The following ERBB3 variants were observed in gnomAD, a reference collection of about 807,000 sequenced individuals.
ERBB3 encodes the protein erb-b2 receptor tyrosine kinase 3.
A neutral mutation model predicts 156.7 loss-of-function variants in ERBB3; 96 were observed. The ratio of observed to expected loss-of-function variants is 0.61; its 90% CI spans 0.52 to 0.73. ERBB3 has a LOEUF of 0.73. Ranked by LOEUF, ERBB3 falls within the 30% of genes least tolerant of loss-of-function variation. The pLI is 0.00. For synonymous variants in ERBB3, 567 were observed against 632.0 expected (o/e 0.90, Z 1.54); for missense variants, 1,406 against 1,709.4 (o/e 0.82, Z 3.13).
intron 20 of ERBB3, 111 bp from the exon 21 acceptor site, chr12:56,097,674 A>G (rs1258971976): frequency 8.5e-7 from 1 of 1,183,078 alleles, no homozygotes; most frequent in African/African-American, 1.5e-5. Context: ...CCTGGTGCCA[A>G]AAAAGGTTGG....
At position 56,087,603 on chromosome 12, in the gene ERBB3, G is replaced by A. The variant is rs1319409039; in HGVS notation, c.574G>A (p.Gly192Arg). 5 of 1,614,046 alleles carry A rather than the reference G, an allele frequency of 3.1e-6. No homozygotes were observed. The highest frequency in any genetic ancestry group is 1.3e-5 in the African/African-American group (1 of 74,902). The change falls in exon 5 of 28, where the codon GGG becomes AGG. Residue 192 changes from glycine (G) to arginine (R), a missense_variant. By Grantham distance (125) the Gly-to-Arg change is moderately radical. Around this residue, in one of 3 missense-constraint regions of ERBB3, gnomAD observed 979 missense variants for 1,219.6 expected, o/e 0.80. Transcript: ENST00000267101. The stretch of plus-strand genomic sequence containing the variant: ...TCCCCCCTGTCATGAGGTTTGCAAG[G>A]GGCGATGCTGGGGTCCTGGATCAGA... ...SCPPCHEVCK[G>R]RCWGPGSEDC...
intron 23 of ERBB3, 135 bp downstream of exon 23, chr12:56,099,040 C>A (rs2136823842): frequency 1.2e-6 from 1 of 807,060 alleles, no homozygotes; most frequent in Non-Finnish European, 2.0e-6. Flanking sequence ...CTCACTACAA[C>A]CTCCGCCTCT....
Position 56,102,540 on chromosome 12 carries a change from GGA to G in ERBB3, c.*487_*488del, listed in dbSNP as rs1472517325. On this transcript the variant is annotated 3_prime_UTR_variant, in exon 28 of 28. Coordinates refer to ENST00000267101, the MANE Select transcript of ERBB3 (RefSeq NM_001982.4). ...TTAAAATCTGTGAAGAAAGAGGTTA[GGA>G]GTAGATATTGATTACTATCATAATT... The G allele has an allele frequency of 4.1e-6, 1 of 242,420 alleles. No individual in the cohort carries two copies. Among genetic ancestry groups the G allele is most frequent in the Non-Finnish European group, 8.1e-6 (1 of 123,346 alleles). 15.0% of individuals were successfully genotyped at this position (242,420 alleles called of 1,614,324 possible).
At chr12:56,085,375 A>G in intron 3 of ERBB3, 194 bp downstream of exon 3, 1 of 1,453,760 alleles carries the variant, frequency 6.9e-7, no homozygotes, top group Non-Finnish European at 9.1e-7. Flanking sequence ...CATCTGCTCC[A>G]GGGAAAGGAA....
chr12:56,099,197 C>G (rs1272049858), intron 23 of ERBB3, among the ~76,000 whole-genome samples: 1 of 151,736 alleles, frequency 6.6e-6, no homozygotes, highest in African/African-American at 2.4e-5. Flanking sequence ...CTCAGGTGAT[C>G]CGCCTGCCTC....
At chr12:56,095,455 T>C in intron 16 of ERBB3, 145 bp downstream of exon 16, 1 of 883,156 alleles carries the variant, frequency 1.1e-6, no homozygotes, top group South Asian at 1.5e-5. Flanking sequence ...GACTCAAGAA[T>C]GCAGGCTTCT....
intron 27 of ERBB3, 52 bp downstream of exon 27, chr12:56,101,413 C>T (rs764648141): frequency 8.7e-6 from 14 of 1,603,070 alleles, no homozygotes; most frequent in Middle Eastern, 2.1e-4. Context: ...ATTCTTTCCC[C>T]GGGCTCCTCT....
At chr12:56,092,533 TC>T (rs2136807635) in intron 9 of ERBB3, among the ~76,000 whole-genome samples, 1 of 152,266 alleles carries the variant, frequency 6.6e-6, no homozygotes, top group South Asian at 2.1e-4. Context: ...GCTCCTGTGT[TC>T]TTTGGGCTGT....
Position 56,102,653 on chromosome 12 carries a change from T to A in ERBB3, c.*598T>A, listed in dbSNP as rs1869151739. 8.6e-6 allele frequency: 2 copies of A among 231,852 alleles called. No individual in the cohort carries two copies. The highest frequency in any genetic ancestry group is 2.2e-5 in the African/African-American group (1 of 45,196). The allele number at this position is 231,852 out of a possible 1,614,324, so 14.4% of individuals were successfully genotyped here. On this transcript the variant is annotated 3_prime_UTR_variant, in exon 28 of 28. Coordinates refer to ENST00000267101, the MANE Select transcript of ERBB3 (RefSeq NM_001982.4). ...CTTTATCATCCTTAAAACAATTCTG[T>A]GACATACATATTATCTCATTTTACA...
At chr12:56,092,913 T>A in intron 10 of ERBB3, 73 bp from the exon 11 acceptor site, 1 of 1,537,620 alleles carries the variant, frequency 6.5e-7, no homozygotes, top group Non-Finnish European at 9.0e-7. Flanking sequence ...CGTCCCAAGT[T>A]ATAGGGGAGG....
At chr12:56,093,647 GA>G (rs1868792734) in intron 12 of ERBB3, 97 bp downstream of exon 12, 1 of 1,563,326 alleles carries the variant, frequency 6.4e-7, no homozygotes, top group Admixed American at 1.7e-5. Context: ...AGGGTTGAGG[GA>G]TGGAACCAAG....
intron 1 of ERBB3, 33 bp downstream of exon 1, chr12:56,080,415 A>C (rs1868339572): frequency 6.5e-7 from 1 of 1,530,036 alleles, no homozygotes; most frequent in Non-Finnish European, 8.9e-7. Flanking sequence ...CGGGCTCGGC[A>C]CCTGGGAGCC....
intron 4 of ERBB3, among the ~76,000 whole-genome samples, 181 bp from the exon 5 acceptor site, chr12:56,087,396 G>A (rs776094011): frequency 2.3e-4 from 35 of 152,106 alleles, no homozygotes; most frequent in African/African-American, 4.8e-4. Context: ...AGGCGTGGCC[G>A]CGCCCCTTGT....
chr12:56,081,789 A>T (rs1448407034), intron 1 of ERBB3, among the ~76,000 whole-genome samples: 1 of 150,782 alleles, frequency 6.6e-6, no homozygotes, highest in Non-Finnish European at 1.5e-5. Context: ...GGGGTGGGGG[A>T]TGTTGGAGGG....
chr12:56,093,498 G>A lies in ERBB3; in HGVS notation c.1428G>A (p.Gly476=), dbSNP rs779013163. The A allele has an allele frequency of 2.5e-6, 4 of 1,613,728 alleles. No individual in the cohort carries two copies. Among genetic ancestry groups the A allele is most frequent in the Non-Finnish European group, 3.4e-6 (4 of 1,179,942 alleles). Residue 476 remains glycine (G), a synonymous_variant, in exon 12 of 28, where the codon GGG becomes GGA. Coordinates refer to ENST00000267101, the MANE Select transcript of ERBB3 (RefSeq NM_001982.4). ...HSLNWTKVLR[G]PTEERLDIKH... is the part of the protein sequence containing the mutation. ...TGAACTGGACCAAGGTGCTTCGGGG[G>A]CCTACGGAAGAGCGACTAGACATCA...
intron 2 of ERBB3, among the ~76,000 whole-genome samples, chr12:56,084,331 CCAGGTG>C (rs1356500976): frequency 6.6e-6 from 1 of 152,178 alleles, no homozygotes; most frequent in Non-Finnish European, 1.5e-5. Flanking sequence ...AGAGTTAAGG[CCAGGTG>C]CAGTGGCTCA....
intron 12 of ERBB3, 105 bp from the exon 13 acceptor site, chr12:56,093,659 G>A: frequency 6.4e-7 from 1 of 1,571,862 alleles, no homozygotes; most frequent in Non-Finnish European, 8.7e-7. Flanking sequence ...TGGAACCAAG[G>A]AGAAGGGGGC....
At chr12:56,085,239 T>C in intron 3 of ERBB3, 58 bp downstream of exon 3, 1 of 1,613,788 alleles carries the variant, frequency 6.2e-7, no homozygotes, top group African/African-American at 1.3e-5. Context: ...GACTGGTACC[T>C]CCTTGATGAT....
intron 9 of ERBB3, among the ~76,000 whole-genome samples, chr12:56,089,719 T>C (rs989307186): frequency 1.3e-5 from 2 of 150,968 alleles, no homozygotes; most frequent in African/African-American, 2.4e-5. Flanking sequence ...CACTCCAGCC[T>C]GGCGACAGAG....
Sources: gnomAD v4.1 joint callset for allele counts (sites outside exome capture counted in the v4.1 genomes callset) on GRCh38, gnomAD v4.1.1 for gene constraint, gnomAD v4.1.1 regional missense constraint, MANE v1.5 for transcripts, NCBI Gene and HGNC (gene_info 2026-07-23, HGNC 2026-07-21) for gene names.